Variants in LZTS1 observed in about 807,000 individuals in gnomAD.
LZTS1 encodes the protein leucine zipper tumor suppressor 1, also known as leucine zipper putative tumor suppressor 1.
LZTS1 carries 31 observed loss-of-function variants against 45.8 expected under a neutral mutation model. The ratio of observed to expected loss-of-function variants is 0.68; its 90% confidence interval spans 0.51 to 0.91. The LOEUF is 0.91. LZTS1 is among the 40% of genes least tolerant of loss of function. LZTS1 has a pLI of 0.00. For synonymous variants in LZTS1, 359 were observed against 357.3 expected, an observed-to-expected ratio of 1.00 and a Z score of -0.05; for missense variants, 821 against 788.9, an observed-to-expected ratio of 1.04 and a Z score of -0.49.
chr8:20,252,301 G>C (rs1799944897), intron 3 of LZTS1, among the ~76,000 whole-genome samples: 1 of 152,152 alleles, frequency 6.6e-6, no homozygotes, highest in Non-Finnish European at 1.5e-5. Context: ...CTTCAGCAAG[G>C]AGTGGCCACT....
chr8:20,281,555 G>T (rs1230957939), intron 1 of LZTS1, among the ~76,000 whole-genome samples: 2 of 152,258 alleles, frequency 1.3e-5, no homozygotes, highest in African/African-American at 4.8e-5. Context: ...TGGGCAACAA[G>T]AGTGAAACTC....
chr8:20,279,421 G>A (rs1212418806), intron 1 of LZTS1, among the ~76,000 whole-genome samples: 1 of 152,170 alleles, frequency 6.6e-6, no homozygotes, highest in Non-Finnish European at 1.5e-5. Flanking sequence ...AAAAATAGCA[G>A]ACATCTAGCT....
intron 1 of LZTS1, among the ~76,000 whole-genome samples, chr8:20,287,014 T>G (rs1800803970): frequency 7.1e-6 from 1 of 141,632 alleles, no homozygotes; most frequent in South Asian, 2.1e-4. Flanking sequence ...TATGAAAAAT[T>G]TGCAAACTTG....
intron 1 of LZTS1, among the ~76,000 whole-genome samples, chr8:20,267,128 GA>G (rs71222141): frequency 4.8e-5 from 7 of 146,510 alleles, no homozygotes; most frequent in Non-Finnish European, 7.5e-5. Flanking sequence ...AAAAAGAAAA[GA>G]AAAAAAAAGA....
chr8:20,274,480 C>T (rs1411280597), intron 1 of LZTS1, among the ~76,000 whole-genome samples: 2 of 152,148 alleles, frequency 1.3e-5, no homozygotes, highest in African/African-American at 4.8e-5. Flanking sequence ...GGAGGCTTCT[C>T]CATGTGGGCA....
intron 1 of LZTS1, among the ~76,000 whole-genome samples, chr8:20,269,691 G>A (rs1337541792): frequency 6.6e-6 from 1 of 152,204 alleles, no homozygotes; most frequent in Admixed American, 6.5e-5. Flanking sequence ...AGCTCCCTAG[G>A]CAGGTTGACA....
intron 3 of LZTS1, among the ~76,000 whole-genome samples, chr8:20,251,378 G>C (rs1799905218): frequency 6.6e-6 from 1 of 151,860 alleles, no homozygotes; most frequent in African/African-American, 2.4e-5. Flanking sequence ...GGTAGGGTCG[G>C]ATTTTCTCCA....
chr8:20,298,168 T>C (rs960208897), intron 1 of LZTS1, among the ~76,000 whole-genome samples: 1 of 152,054 alleles, frequency 6.6e-6, no homozygotes, highest in African/African-American at 2.4e-5. Flanking sequence ...TTCAAGAGAT[T>C]CTCCTGTCTC....
chr8:20,264,943 G>A (rs1414771760), intron 1 of LZTS1, among the ~76,000 whole-genome samples: 1 of 152,194 alleles, frequency 6.6e-6, no homozygotes, highest in Non-Finnish European at 1.5e-5. Flanking sequence ...AAGGGGGGAT[G>A]TGGGGTGTGT....
intron 1 of LZTS1, among the ~76,000 whole-genome samples, chr8:20,268,779 G>T (rs940278388): frequency 2.6e-5 from 4 of 152,118 alleles, no homozygotes; most frequent in Non-Finnish European, 5.9e-5. Context: ...CTGCTGGTGG[G>T]TTGGGAGCAG....
chr8:20,255,032 G>A lies in LZTS1; in HGVS notation c.150C>T (p.Ser50=), dbSNP rs529356783. Residue 50 remains serine (S), a synonymous_variant, in exon 2 of 4, where the codon TCC becomes TCT. Coordinates refer to ENST00000381569, the MANE Select transcript of LZTS1 (RefSeq NM_021020.5). ...GLLRFGFSQD[S]GHGKSSSKMG... is the part of the protein sequence containing the mutation. ...TTTTGGAGCTGGACTTGCCGTGACC[G>A]GAGTCCTGGGAGAAGCCAAACCTCA... 41 of 1,614,214 alleles carry A rather than the reference G, an allele frequency of 2.5e-5. No homozygotes were observed. In the Admixed American group the frequency reaches 3.8e-4, roughly 15 times the overall value.
intron 1 of LZTS1, among the ~76,000 whole-genome samples, chr8:20,274,812 T>A (rs1022330666): frequency 6.6e-6 from 1 of 152,178 alleles, no homozygotes; most frequent in Non-Finnish European, 1.5e-5. Flanking sequence ...GCGGGATGCA[T>A]TGGTGGCCCC....
In LZTS1 at chr8:20,268,390, T is replaced by C. The variant is rs1374649510; in HGVS notation, c.-134-13075A>G. 2.0e-5 allele frequency among the ~76,000 whole-genome samples: 3 copies of C among 151,860 alleles called. No homozygotes were observed. In the East Asian group the frequency reaches 5.9e-4, roughly 30 times the overall value. On this transcript the variant is annotated intron_variant, in intron 1 of 3. Transcript: ENST00000381569. ...CCAGGGCTAATTGACTCCCCTTTTA[T>C]GATGATTCTCCCCGTTCCCCCTCCC...
At chr8:20,268,808 A>G (rs1466195761) in intron 1 of LZTS1, among the ~76,000 whole-genome samples, 4 of 152,240 alleles carry the variant, frequency 2.6e-5, no homozygotes, top group East Asian at 1.9e-4. Context: ...GCAGCTCTCA[A>G]TTAAGTGCAC....
At chr8:20,267,005 G>C (rs1800371313) in intron 1 of LZTS1, among the ~76,000 whole-genome samples, 1 of 151,902 alleles carries the variant, frequency 6.6e-6, no homozygotes. Flanking sequence ...CCACTCAGGA[G>C]GCTGAGGCCG....
intron 1 of LZTS1, among the ~76,000 whole-genome samples, chr8:20,282,780 G>A (rs570886184): frequency 1.3e-5 from 2 of 152,220 alleles, no homozygotes; most frequent in East Asian, 1.9e-4. Flanking sequence ...TATTCCTTAG[G>A]TGGGTGGGTA....
At chr8:20,262,426 G>C (rs769151073) in intron 1 of LZTS1, among the ~76,000 whole-genome samples, 10 of 152,170 alleles carry the variant, frequency 6.6e-5, no homozygotes, top group Non-Finnish European at 1.2e-4. Flanking sequence ...GTGTGAGTGT[G>C]TGTTCATGTG....
intron 1 of LZTS1, among the ~76,000 whole-genome samples, chr8:20,260,722 G>A (rs760633726): frequency 7.2e-5 from 11 of 152,198 alleles, no homozygotes; most frequent in Non-Finnish European, 1.5e-4. Context: ...GCCCTGTGCT[G>A]CATCCTAGAG....
At position 20,248,803 on chromosome 8, in the gene LZTS1, G is replaced by C. The variant is rs952554347; in HGVS notation, c.*919C>G. ...CATTCCAGAGTAGCCGCCGGCCAAC[G>C]TGAAGCAGGTAGGGACTCCCAGCCT... is the stretch of plus-strand genomic sequence containing the variant. On this transcript the variant is annotated 3_prime_UTR_variant, in exon 4 of 4. Transcript: ENST00000381569. 6.6e-6 allele frequency: 1 copy of C among 152,454 alleles called. No individual in the cohort carries two copies. The highest frequency in any genetic ancestry group is 1.5e-5 in the Non-Finnish European group (1 of 68,094). The allele number at this position is 152,454 out of a possible 1,614,324, so 9.4% of individuals were successfully genotyped here. A position where few individuals can be genotyped will look rare whatever the true frequency, so the allele number is the denominator to read the frequency against.
Sources: gnomAD v4.1 joint callset for allele counts (sites outside exome capture counted in the v4.1 genomes callset) on GRCh38, gnomAD v4.1.1 for gene constraint, MANE v1.5 for transcripts, NCBI Gene and HGNC (gene_info 2026-07-23, HGNC 2026-07-21) for gene names.